Variants in PTK2 observed in about 807,000 individuals in gnomAD.
PTK2 encodes protein tyrosine kinase 2.
A neutral mutation model predicts 150.1 loss-of-function variants in PTK2; 45 were observed. The observed-to-expected ratio is 0.30, with a 90% CI of 0.24 to 0.38. The LOEUF (loss-of-function observed/expected upper bound fraction) is 0.38. Among genes scored for constraint, PTK2 ranks in the 10% least tolerant of loss-of-function variants. PTK2 has a pLI of 1.00. For synonymous variants in PTK2, 432 were observed against 449.2 expected, an observed-to-expected ratio of 0.96 and a Z score of 0.48; for missense variants, 919 against 1,307.3, an observed-to-expected ratio of 0.70 and a Z score of 4.58.
intron 4 of PTK2, among the ~76,000 whole-genome samples, chr8:140,868,246 C>T (rs537094249): frequency 5.3e-5 from 8 of 152,086 alleles, no homozygotes; most frequent in Non-Finnish European, 1.2e-4. Flanking sequence ...CTAGCTAGTC[C>T]GTGTTTAGTG....
chr8:140,674,277 T>C (rs2100012289), intron 29 of PTK2, 21 bp downstream of exon 32: 1 of 1,581,358 alleles, frequency 6.3e-7, no homozygotes, highest in South Asian at 1.1e-5. Context: ...CAGAAGGTGC[T>C]GCACAGGCTC....
At chr8:140,873,468 T>C (rs5895650) in intron 4 of PTK2, among the ~76,000 whole-genome samples, 1,521 of 59,964 alleles carry the variant, frequency 0.025, 23 homozygotes, top group African/African-American at 0.045. Context: ...CTGCAATTTT[T>C]TTTTTTTCTG....
intron 1 of PTK2, among the ~76,000 whole-genome samples, chr8:140,982,249 C>T (rs1284953311): frequency 6.6e-6 from 1 of 152,206 alleles, no homozygotes; most frequent in African/African-American, 2.4e-5. Flanking sequence ...GCTTAGCTCA[C>T]TGGATCATTA....
chr8:140,856,416 T>C (rs569192429), intron 5 of PTK2, among the ~76,000 whole-genome samples: 2 of 151,886 alleles, frequency 1.3e-5, no homozygotes, highest in African/African-American at 2.4e-5. Flanking sequence ...CAGATGTTCA[T>C]CAACAGAAAA....
chr8:140,676,943 C>CAAA (rs71320398), intron 27 of PTK2, among the ~76,000 whole-genome samples: 15 of 85,870 alleles, frequency 1.7e-4, no homozygotes, highest in Non-Finnish European at 1.8e-4. Flanking sequence ...GACTCCATCT[C>CAAA]AAAAAAAAAA....
intron 1 of PTK2, among the ~76,000 whole-genome samples, chr8:140,985,168 G>C (rs912943306): frequency 6.6e-6 from 1 of 151,742 alleles, no homozygotes; most frequent in African/African-American, 2.4e-5. Context: ...CTGTCACTCA[G>C]GCTAGAGTGC....
intron 16 of PTK2, among the ~76,000 whole-genome samples, chr8:140,759,847 CCA>C (rs113580900): frequency 1.5e-4 from 22 of 144,342 alleles, no homozygotes; most frequent in Non-Finnish European, 1.5e-4. Context: ...TCTCTCTCAC[CCA>C]CACACACACA....
intron 31 of PTK2, among the ~76,000 whole-genome samples, 185 bp downstream of exon 35, chr8:140,664,732 T>C (rs1240618841): frequency 6.6e-6 from 1 of 152,136 alleles, no homozygotes; most frequent in Non-Finnish European, 1.5e-5. Flanking sequence ...ACCACCCCTA[T>C]GCCCTAGAAT....
At chr8:140,840,504 G>C (rs2100121705) in intron 7 of PTK2, among the ~76,000 whole-genome samples, 1 of 152,210 alleles carries the variant, frequency 6.6e-6, no homozygotes, top group Admixed American at 6.5e-5. Flanking sequence ...GAAGAAGATG[G>C]GGAGAGTTAA....
chr8:140,735,308 C>T, exon 22 of PTK2: 1 of 1,614,096 alleles, frequency 6.2e-7, no homozygotes, highest in Non-Finnish European at 8.5e-7. Flanking sequence ...ATAGGCCCAG[C>T]ATTTCGTCAT....
chr8:140,721,936 CTGTT>C (rs1160116424), intron 22 of PTK2: 2 of 152,238 alleles, frequency 1.3e-5, no homozygotes, highest in Admixed American at 6.5e-5. Context: ...TTGTAAATAT[CTGTT>C]TGTTTGACTT....
At chr8:140,771,654 G>C (rs544797224) in intron 14 of PTK2, among the ~76,000 whole-genome samples, 3 of 152,282 alleles carry the variant, frequency 2.0e-5, no homozygotes, top group African/African-American at 7.2e-5. Flanking sequence ...ACAAGGGTCA[G>C]GACTGTTTGC....
intron 4 of PTK2, among the ~76,000 whole-genome samples, chr8:140,869,748 T>C (rs1451606248): frequency 6.6e-6 from 1 of 151,496 alleles, no homozygotes; most frequent in African/African-American, 2.4e-5. Flanking sequence ...AGGAAACACA[T>C]AAACAAAGAA....
Position 140,800,153 on chromosome 8 carries a change from A to C in PTK2, c.1093+306T>G, listed in dbSNP as rs570374438. Among the ~76,000 whole-genome samples, 3 of 152,318 alleles carry C rather than the reference A, an allele frequency of 2.0e-5. No individual in the cohort carries two copies. In the East Asian group the frequency reaches 5.8e-4, roughly 29 times the overall value. On this transcript the variant is annotated intron_variant, in intron 12 of 31. Coordinates refer to ENST00000522684, the Ensembl canonical transcript of PTK2. ...TAAACCCAGAATTTTATTTAAACCC[A>C]AAATTTTAAAAATACTAATGTATTT... is the stretch of plus-strand genomic sequence containing the variant.
At chr8:140,902,922 T>TTG (rs1454401876) in intron 2 of PTK2, among the ~76,000 whole-genome samples, 27 of 75,278 alleles carry the variant, frequency 3.6e-4, no homozygotes, top group Admixed American at 5.4e-4. Flanking sequence ...CTGATGAGAG[T>TTG]TGTTTTTTTT....
intron 1 of PTK2, among the ~76,000 whole-genome samples, chr8:140,936,322 T>C (rs957619641): frequency 2.0e-5 from 3 of 152,216 alleles, no homozygotes; most frequent in Non-Finnish European, 4.4e-5. Flanking sequence ...AAACATGTAC[T>C]GTATAGATAA....
At chr8:140,675,345 T>C in intron 28 of PTK2, 115 bp downstream of exon 31, 1 of 1,122,920 alleles carries the variant, frequency 8.9e-7, no homozygotes, top group South Asian at 1.3e-5. Flanking sequence ...TGCTGTGGTC[T>C]GTAGAGGAAA....
intron 1 of PTK2, among the ~76,000 whole-genome samples, chr8:140,982,294 T>C (rs201726763): frequency 3.0e-4 from 45 of 152,322 alleles, no homozygotes; most frequent in East Asian, 1.5e-3. Flanking sequence ...AGATACACAC[T>C]GCATCATTAA....
chr8:140,921,161 A>C, intron 2 of PTK2: 2 of 1,207,650 alleles, frequency 1.7e-6, no homozygotes, highest in Non-Finnish European at 2.1e-6. Flanking sequence ...TGGCTAGATC[A>C]AGCTACTGAA....
Sources: allele counts gnomAD v4.1 joint callset (sites outside exome capture counted in the v4.1 genomes callset), GRCh38; gene constraint gnomAD v4.1.1; transcripts MANE v1.5; gene names NCBI Gene and HGNC (gene_info 2026-07-23, HGNC 2026-07-21).